Variants in PRDM16 observed in about 807,000 individuals in gnomAD.
PRDM16 encodes the protein PR/SET domain 16.
In PRDM16, 23 loss-of-function variants were observed where a neutral mutation model predicts 110.6. That is an observed-to-expected ratio of 0.21 (90% CI 0.15 to 0.29). The LOEUF (loss-of-function observed/expected upper bound fraction) is 0.29. Among genes scored for constraint, PRDM16 ranks in the 10% least tolerant of loss-of-function variants. The probability of loss-of-function intolerance (pLI) is 1.00; values close to 1 mark genes in which losing one functional copy is unlikely to be tolerated. For synonymous variants in PRDM16, 799 were observed against 781.8 expected (o/e 1.02, Z -0.37); for missense variants, 1,615 against 1,794.3 (o/e 0.90, Z 1.81).
chr1:3,340,348 T>C (rs969501457), intron 3 of PRDM16, among the ~76,000 whole-genome samples: 1 of 152,128 alleles, frequency 6.6e-6, no homozygotes, highest in African/African-American at 2.4e-5. Flanking sequence ...TGAAACAATT[T>C]GGGGACAGAT....
In PRDM16 at chr1:3,213,114, C is replaced by T. The variant is rs1384307549; in HGVS notation, c.387+26640C>T. 2.6e-5 allele frequency among the ~76,000 whole-genome samples: 4 copies of T among 152,190 alleles called. No homozygotes were observed. Among genetic ancestry groups the T allele is most frequent in the African/African-American group, 9.6e-5 (4 of 41,460 alleles). On this transcript the variant is annotated intron_variant, in intron 2 of 16. Coordinates refer to ENST00000270722, the MANE Select transcript of PRDM16 (RefSeq NM_022114.4). The surrounding 1 kb of genome is among the most constrained non-coding windows in gnomAD (Gnocchi z 5.3). ...CTCAGGAAGACGCGGCAAATCCCAT[C>T]CTATGTGCTTGCAGCAACTCCTCTG...
At chr1:3,202,207 G>A (rs951590546) in intron 2 of PRDM16, among the ~76,000 whole-genome samples, 3 of 152,184 alleles carry the variant, frequency 2.0e-5, no homozygotes, top group Non-Finnish European at 2.9e-5. Context: ...TTACATGAGG[G>A]GAAACTGAGT....
At chr1:3,296,898 A>G (rs151241324) in intron 3 of PRDM16, among the ~76,000 whole-genome samples, 110 of 152,348 alleles carry the variant, frequency 7.2e-4, no homozygotes, top group African/African-American at 2.6e-3. Context: ...ACCGAGCAGC[A>G]CGGCTTAGCC....
chr1:3,395,110 T>A (rs1643365935), intron 4 of PRDM16, among the ~76,000 whole-genome samples: 1 of 152,194 alleles, frequency 6.6e-6, no homozygotes, highest in Admixed American at 6.5e-5. Flanking sequence ...CTTATGTGTG[T>A]CTTTTGAGAG....
rs1349475394 is a variant in PRDM16 at position 3,190,763 on chromosome 1, C to A, written c.387+4289C>A. Reference sequence around the variant, plus strand: ...GCCTGGAGGAAATCACCCGTGAGCGCATTTGCTCGCCGTGGGGTCTGCAAA... The same window carrying A: ...GCCTGGAGGAAATCACCCGTGAGCGAATTTGCTCGCCGTGGGGTCTGCAAA... On this transcript the variant is annotated intron_variant, in intron 2 of 16. Coordinates refer to ENST00000270722, the MANE Select transcript of PRDM16 (RefSeq NM_022114.4). The surrounding 1 kb of genome is among the most constrained non-coding windows in gnomAD (Gnocchi z 5.0). Among the ~76,000 whole-genome samples, 1 of 152,258 alleles carries A rather than the reference C, an allele frequency of 6.6e-6. No homozygotes were observed. Among genetic ancestry groups the A allele is most frequent in the East Asian group, 1.9e-4 (1 of 5,200 alleles).
intron 3 of PRDM16, among the ~76,000 whole-genome samples, chr1:3,315,007 C>A (rs1015539091): frequency 6.6e-6 from 1 of 152,272 alleles, no homozygotes; most frequent in South Asian, 2.1e-4. Context: ...AGCATGGCAT[C>A]GCTCTGAACA....
chr1:3,412,126 C>T lies in PRDM16; in HGVS notation c.1929C>T (p.Ala643=), dbSNP rs781608108. 28 of 1,566,234 alleles carry T rather than the reference C, an allele frequency of 1.8e-5. No individual in the cohort carries two copies. Among genetic ancestry groups the T allele is most frequent in the African/African-American group, 2.7e-5 (2 of 73,310 alleles). ...AGGACAAGGGCAAGGGCAAGTCCGCCGAGGGCCAGCCCAAGTTTGGGGGCG... is the reference window on the plus strand; with the variant it reads ...AGGACAAGGGCAAGGGCAAGTCCGCTGAGGGCCAGCCCAAGTTTGGGGGCG... ...PDKDKGKGKS[A]EGQPKFGGGL... is the part of the protein sequence containing the mutation. The change falls in exon 9 of 17, where the codon GCC becomes GCT. Residue 643 remains alanine, a synonymous_variant. Coordinates refer to ENST00000270722, the MANE Select transcript of PRDM16 (RefSeq NM_022114.4).
chr1:3,348,984 A>G (rs1245824521), intron 3 of PRDM16, among the ~76,000 whole-genome samples: 1 of 152,052 alleles, frequency 6.6e-6, no homozygotes, highest in Non-Finnish European at 1.5e-5. Flanking sequence ...CTGGCCTGGG[A>G]ACAGCCCACT....
chr1:3,287,637 G>A lies in PRDM16; in HGVS notation c.438+43500G>A, dbSNP rs111617800. Among the ~76,000 whole-genome samples the A allele has an allele frequency of 5.9e-5, 2 of 33,824 alleles. 1 individual carries two copies. 22.2% of individuals were successfully genotyped at this position (33,824 alleles called of 152,430 possible). A position where few individuals can be genotyped will look rare whatever the true frequency, so the allele number is the denominator to read the frequency against. ...GCGGGCATCGAGGATTGCATTTACC[G>A]GGGCTGGAGCCGCCCCCTGCCACGT... On this transcript the variant is annotated intron_variant, in intron 3 of 16. Transcript: ENST00000270722.
intron 3 of PRDM16, among the ~76,000 whole-genome samples, chr1:3,305,707 G>T (rs1641298215): frequency 6.6e-6 from 1 of 152,258 alleles, no homozygotes. Flanking sequence ...AGGCAGGACT[G>T]CCAGGCCCAG....
intron 6 of PRDM16, among the ~76,000 whole-genome samples, chr1:3,403,639 C>G (rs1490009438): frequency 2.0e-5 from 3 of 152,224 alleles, no homozygotes; most frequent in Non-Finnish European, 4.4e-5. Flanking sequence ...GAGCCAGCAT[C>G]TGGGGCCTGG....
intron 2 of PRDM16, among the ~76,000 whole-genome samples, chr1:3,217,388 T>C (rs1347265101): frequency 6.6e-6 from 1 of 152,204 alleles, no homozygotes; most frequent in Non-Finnish European, 1.5e-5. Context: ...CTCGGCTTAT[T>C]TGGTCTGGAA....
intron 1 of PRDM16, among the ~76,000 whole-genome samples, chr1:3,182,075 G>A (rs771105886): frequency 3.5e-4 from 53 of 152,216 alleles, no homozygotes; most frequent in Non-Finnish European, 4.0e-4. Context: ...CGCACTCTGG[G>A]GGCCGCCCTT....
rs1011151535 is a variant in PRDM16 at position 3,350,822 on chromosome 1, G to A, written c.439-34330G>A. Among the ~76,000 whole-genome samples the A allele has an allele frequency of 6.6e-6, 1 of 152,132 alleles. No homozygotes were observed. Among genetic ancestry groups the A allele is most frequent in the African/African-American group, 2.4e-5 (1 of 41,444 alleles). ...TCTGGGCCTCAAACTCTTTTTTGAG[G>A]CCAGGTGGGTGGGGCCCAGCCAGCG... On this transcript the variant is annotated intron_variant, in intron 3 of 16. Coordinates refer to ENST00000270722, the MANE Select transcript of PRDM16 (RefSeq NM_022114.4). This position sits in a 1 kb window ranked among gnomAD's most constrained non-coding sequence, Gnocchi z 7.1.
At chr1:3,432,341 C>T (rs908729549) in intron 16 of PRDM16, among the ~76,000 whole-genome samples, 1 of 152,228 alleles carries the variant, frequency 6.6e-6, no homozygotes, top group South Asian at 2.1e-4. Context: ...GGCTGAGAGC[C>T]GATGACCCTG....
At chr1:3,314,798 C>G (rs1641560456) in intron 3 of PRDM16, among the ~76,000 whole-genome samples, 1 of 152,112 alleles carries the variant, frequency 6.6e-6, no homozygotes, top group Non-Finnish European at 1.5e-5. Context: ...GGAGGATGCC[C>G]CTGACCCGCA....
rs917703445 is a variant in PRDM16 at position 3,339,356 on chromosome 1, C to T, written c.439-45796C>T. Among the ~76,000 whole-genome samples, 12 of 152,180 alleles carry T rather than the reference C, an allele frequency of 7.9e-5. No homozygotes were observed. The South Asian group carries it at 1.7e-3, about 21-fold the overall frequency. On this transcript the variant is annotated intron_variant, in intron 3 of 16. Coordinates refer to ENST00000270722, the MANE Select transcript of PRDM16 (RefSeq NM_022114.4). The surrounding 1 kb of genome is among the most constrained non-coding windows in gnomAD (Gnocchi z 5.0). Reference sequence around the variant, plus strand: ...GGGTGGGCCTCCGCGCATCCGTGCCCGGAAGCAGGAACAGAGGGATGGGTG... The same window carrying T: ...GGGTGGGCCTCCGCGCATCCGTGCCTGGAAGCAGGAACAGAGGGATGGGTG...
At chr1:3,126,198 C>T (rs1361786119) in intron 1 of PRDM16, among the ~76,000 whole-genome samples, 1 of 152,196 alleles carries the variant, frequency 6.6e-6, no homozygotes, top group Non-Finnish European at 1.5e-5. Context: ...CGGCCCAGCT[C>T]CCCTGGGCTT....
At chr1:3,277,351 C>T (rs2100311645) in intron 3 of PRDM16, among the ~76,000 whole-genome samples, 1 of 152,330 alleles carries the variant, frequency 6.6e-6, no homozygotes, top group African/African-American at 2.4e-5. Flanking sequence ...TCCACCATGC[C>T]CACCTCAGAG....
Sources: gnomAD v4.1 joint callset for allele counts (sites outside exome capture counted in the v4.1 genomes callset) on GRCh38, gnomAD v4.1.1 for gene constraint, Gnocchi (gnomAD v3.1) non-coding constraint, MANE v1.5 for transcripts, NCBI Gene and HGNC (gene_info 2026-07-23, HGNC 2026-07-21) for gene names.